Variants in CR2 observed in about 807,000 individuals in gnomAD.
CR2 encodes complement receptor type 2.
Under a neutral mutation model 123.0 loss-of-function variants are expected in CR2, and 96 were observed. The ratio of observed to expected loss-of-function variants is 0.78; its 90% CI spans 0.66 to 0.93. The LOEUF (loss-of-function observed/expected upper bound fraction) is 0.93, where lower values mean the gene tolerates loss of function less well. CR2 is among the 40% of genes least tolerant of loss of function. CR2 has a pLI of 0.00. For synonymous variants in CR2, 484 were observed against 469.5 expected, an observed-to-expected ratio of 1.03 and a Z score of -0.40; for missense variants, 1,258 against 1,361.0, an observed-to-expected ratio of 0.92 and a Z score of 1.19.
chr1:207,480,503 A>G (rs1158068352), intron 18 of CR2, among the ~76,000 whole-genome samples: 2 of 152,022 alleles, frequency 1.3e-5, no homozygotes, highest in Non-Finnish European at 2.9e-5. Context: ...CTGTGTATTT[A>G]TATATGTATT....
chr1:207,461,676 T>G (rs568937214), intron 1 of CR2, among the ~76,000 whole-genome samples: 46 of 152,268 alleles, frequency 3.0e-4, no homozygotes, highest in African/African-American at 1.1e-3. Flanking sequence ...TAACCAATCT[T>G]AAGTTTGCTG....
rs372183485 is a variant in CR2, at chr1:207,473,524, G to T, written c.1979-21G>T. The T allele has an allele frequency of 1.7e-4, 266 of 1,608,612 alleles. No homozygotes were observed. In the African/African-American group the frequency reaches 3.1e-3, roughly 19 times the overall value. On this transcript the variant is annotated intron_variant, in intron 10 of 19. Coordinates refer to ENST00000367057, the MANE Select transcript of CR2 (RefSeq NM_001006658.3). The stretch of plus-strand genomic sequence containing the variant: ...GAAATTCCTCTGTGTTGGTATTTAT[G>T]TAGGGAGTTTTTCTCTTCAGGCTGC...
At position 207,454,704 on chromosome 1, in the gene CR2, A is replaced by C. The variant is rs1657785459; in HGVS notation, c.58+228A>C. The C allele has an allele frequency of 2.1e-6, 1 of 474,320 alleles. No individual in the cohort carries two copies. The allele number at this position is 474,320 out of a possible 1,614,324, so 29.4% of individuals were successfully genotyped here. A position where few individuals can be genotyped will look rare whatever the true frequency, so the allele number is the denominator to read the frequency against. On this transcript the variant is annotated intron_variant, in intron 1 of 19. Transcript: ENST00000367057. This position sits in a 1 kb window ranked among gnomAD's most constrained non-coding sequence, Gnocchi z 4.3. ...TCCAGAATTGGAGGCTGCGCCACAG[A>C]GGGGCGCTGTCTGGTCGGCCCGGTG...
At chr1:207,474,765 T>C (rs1253183149) in intron 13 of CR2, 59 bp from the exon 14 acceptor site, 4 of 1,569,756 alleles carry the variant, frequency 2.5e-6, no homozygotes, top group Non-Finnish European at 3.5e-6. Context: ...TGTACCTGAA[T>C]GAAGACCGCT....
At position 207,454,554 on chromosome 1, in the gene CR2, G is replaced by C. The variant is rs1657781700; in HGVS notation, c.58+78G>C. The C allele has an allele frequency of 8.5e-7, 1 of 1,175,962 alleles. No individual in the cohort carries two copies. The highest frequency in any genetic ancestry group is 1.6e-5 in the African/African-American group (1 of 64,378). 72.8% of individuals were successfully genotyped at this position (1,175,962 alleles called of 1,614,324 possible). Reference sequence around the variant, plus strand: ...TTTCTGTGCCGCGATGCAAAGCAGGGGGCCAAAAGCGAGACGGTGGGGGCA... The same window carrying C: ...TTTCTGTGCCGCGATGCAAAGCAGGCGGCCAAAAGCGAGACGGTGGGGGCA... On this transcript the variant is annotated intron_variant, in intron 1 of 19. Coordinates refer to ENST00000367057, the MANE Select transcript of CR2 (RefSeq NM_001006658.3). This position sits in a 1 kb window ranked among gnomAD's most constrained non-coding sequence, Gnocchi z 4.3.
Position 207,469,228 on chromosome 1 carries a change from T to G in CR2, c.813T>G (p.Cys271Trp). 1 of 1,613,412 alleles carries G rather than the reference T, an allele frequency of 6.2e-7. No individual in the cohort carries two copies. The highest frequency in any genetic ancestry group is 1.3e-5 in the African/African-American group (1 of 74,988). Residue 271 changes from cysteine to tryptophan, a missense_variant, in exon 5 of 20, where the codon TGT becomes TGG. Physicochemically the swap from Cys to Trp is radical, Grantham distance 215. Coordinates refer to ENST00000367057, the MANE Select transcript of CR2 (RefSeq NM_001006658.3). Reference protein sequence around the residue: ...QGVAWTKMPVCEEIFCPSPPP... With the variant: ...QGVAWTKMPVWEEIFCPSPPP... ...TTGCTTGGACCAAAATGCCAGTATG[T>G]GAAGGTAGGCTAGGCAACTATGGTC...
chr1:207,489,766 T>C lies in CR2; in HGVS notation c.*643T>C, dbSNP rs895712124. On this transcript the variant is annotated 3_prime_UTR_variant, in exon 20 of 20. Transcript: ENST00000367057. The stretch of plus-strand genomic sequence containing the variant: ...GGAATCAAGATTTAATCCTAGAGAT[T>C]TGGTGTACAATTCAGGCTTTGGATG... The C allele has an allele frequency of 8.5e-5, 13 of 152,196 alleles. No individual in the cohort carries two copies. Among genetic ancestry groups the C allele is most frequent in the South Asian group, 2.1e-4 (1 of 4,830 alleles). The allele number at this position is 152,196 out of a possible 1,614,324, so 9.4% of individuals were successfully genotyped here.
Position 207,470,742 on chromosome 1 carries a change from T to G in CR2, c.1228T>G (p.Cys410Gly). ...EPSAPVCEKE[C>G]QAPPNILNGQ... ...TTTGTTTTTGTCCTTTCATTTAGAA[T>G]GCCAGGCCCCTCCTAACATCCTCAA... is the stretch of plus-strand genomic sequence containing the variant. Residue 410 changes from cysteine (C) to glycine (G), a missense_variant and splice_region_variant, in exon 7 of 20, where the codon TGC (cysteine) becomes GGC (glycine). Cys to Gly is a radical substitution (Grantham distance 159, BLOSUM62 -3). Transcript: ENST00000367057. 6.2e-7 allele frequency: 1 copy of G among 1,613,832 alleles called. No homozygotes were observed. Among genetic ancestry groups the G allele is most frequent in the Non-Finnish European group, 8.5e-7 (1 of 1,179,792 alleles).
rs1464075441 is a variant in CR2 at position 207,469,953 on chromosome 1, G to A, written c.1076G>A (p.Gly359Asp). 6.2e-7 allele frequency: 1 copy of A among 1,613,954 alleles called. No individual in the cohort carries two copies. Among genetic ancestry groups the A allele is most frequent in the African/African-American group, 1.3e-5 (1 of 75,002 alleles). Residue 359 changes from glycine (G) to aspartate (D), a missense_variant, in exon 6 of 20, where the codon GGC becomes GAC. Transcript: ENST00000367057. ...TGTCCACATCCCCAGATCCTAAGAG[G>A]CCGAATGGTATCTGGGCAGAAAGAT... The part of the protein sequence containing the change: ...VQCPHPQILR[G>D]RMVSGQKDRY...
Position 207,485,575 on chromosome 1 carries a change from A to G in CR2, c.*18+3A>G. ...GCTGATCAGAAGACAAACTGGTGGTATGTAATGAAATGGAATATTATTAAT... is the reference window on the plus strand; with the variant it reads ...GCTGATCAGAAGACAAACTGGTGGTGTGTAATGAAATGGAATATTATTAAT... On this transcript the variant is annotated splice_donor_region_variant and intron_variant, in intron 19 of 19. Transcript: ENST00000367057. The G allele has an allele frequency of 7.0e-7, 1 of 1,427,682 alleles. No homozygotes were observed. The highest frequency in any genetic ancestry group is 9.9e-7 in the Non-Finnish European group (1 of 1,010,102). The allele number at this position is 1,427,682 out of a possible 1,614,324, so 88.4% of individuals were successfully genotyped here. A position where few individuals can be genotyped will look rare whatever the true frequency, so the allele number is the denominator to read the frequency against.
At chr1:207,484,157 C>T (rs1356498578) in intron 18 of CR2, among the ~76,000 whole-genome samples, 1 of 152,188 alleles carries the variant, frequency 6.6e-6, no homozygotes, top group East Asian at 1.9e-4. Flanking sequence ...TATCAGAGCA[C>T]TGCATGTGTA....
chr1:207,488,440 A>G (rs1006361785), intron 19 of CR2, among the ~76,000 whole-genome samples: 3 of 152,180 alleles, frequency 2.0e-5, no homozygotes, highest in Admixed American at 6.5e-5. Context: ...CTTGGCCAAC[A>G]TGGTGAAACC....
At chr1:207,477,823 T>C in intron 15 of CR2, 62 bp from the exon 16 acceptor site, 3 of 1,487,198 alleles carry the variant, frequency 2.0e-6, no homozygotes, top group Non-Finnish European at 2.8e-6. Context: ...AAGGGAAATT[T>C]CTGCTTTCTT....
intron 9 of CR2, chr1:207,471,753 T>A (rs1340986217): frequency 2.4e-6 from 1 of 419,332 alleles, no homozygotes; most frequent in Non-Finnish European, 4.5e-6. Context: ...GCGGTGAGTA[T>A]ATGAGCCACC....
intron 8 of CR2, 126 bp from the exon 9 acceptor site, chr1:207,471,297 T>C (rs921570935): frequency 1.4e-5 from 13 of 911,324 alleles, no homozygotes; most frequent in Non-Finnish European, 2.4e-5. Flanking sequence ...TTGGTGCTGA[T>C]GTTGGCTACA....
chr1:207,484,747 G>A (rs1019707325), intron 18 of CR2, among the ~76,000 whole-genome samples: 3 of 152,122 alleles, frequency 2.0e-5, no homozygotes, highest in African/African-American at 7.2e-5. Context: ...CTGGCAAAGT[G>A]GTTTTAGAAG....
chr1:207,468,139 C>T (rs189198469), intron 2 of CR2, among the ~76,000 whole-genome samples: 90 of 152,218 alleles, frequency 5.9e-4, no homozygotes, highest in African/African-American at 2.0e-3. Flanking sequence ...TTAAACCACA[C>T]CTGTTTGATC....
chr1:207,482,468 GC>G (rs1658631215), intron 18 of CR2, among the ~76,000 whole-genome samples: 1 of 151,996 alleles, frequency 6.6e-6, no homozygotes, highest in Non-Finnish European at 1.5e-5. Flanking sequence ...TAGAAGTCAT[GC>G]GAAAAGAGGA....
In CR2 at chr1:207,472,869, T is replaced by C. The variant is rs745545593; in HGVS notation, c.1668T>C (p.Cys556=). 1.2e-6 allele frequency: 2 copies of C among 1,614,032 alleles called. No homozygotes were observed. Among genetic ancestry groups the C allele is most frequent in the South Asian group, 2.2e-5 (2 of 91,086 alleles). ...ATGGAACCACGGTCACTTACACATG[T>C]AACCCTGGGCCAGAAAGAGGAGTGG... ...FPYGTTVTYT[C]NPGPERGVEF... Residue 556 remains cysteine, a synonymous_variant, in exon 10 of 20, where the codon TGT becomes TGC. Coordinates refer to ENST00000367057, the MANE Select transcript of CR2 (RefSeq NM_001006658.3).
Sources: allele counts gnomAD v4.1 joint callset (sites outside exome capture counted in the v4.1 genomes callset), GRCh38; gene constraint gnomAD v4.1.1; non-coding constraint Gnocchi (gnomAD v3.1); transcripts MANE v1.5; gene names NCBI Gene and HGNC (gene_info 2026-07-23, HGNC 2026-07-21).